Variants in NCOR2 observed in about 807,000 individuals in gnomAD.
NCOR2 encodes the protein nuclear receptor corepressor 2, also known as CTG repeat protein 26.
A neutral mutation model predicts 262.9 loss-of-function variants in NCOR2; 81 were observed. The observed-to-expected ratio is 0.31, with a 90% confidence interval of 0.26 to 0.37. The LOEUF (loss-of-function observed/expected upper bound fraction) is 0.37, where lower values mean the gene tolerates loss of function less well. Ranked by LOEUF, NCOR2 falls within the 10% of genes least tolerant of loss-of-function variation. The pLI is 1.00. For missense variants in NCOR2, 3,385 were observed against 3,621.4 expected (o/e 0.93, Z 1.68); for synonymous variants, 1,659 against 1,559.3 (o/e 1.06, Z -1.51).
intron 1 of NCOR2, among the ~76,000 whole-genome samples, chr12:124,552,436 T>C (rs1469777978): frequency 6.6e-6 from 1 of 152,192 alleles, no homozygotes; most frequent in Non-Finnish European, 1.5e-5. Context: ...CGTTTGCAGG[T>C]TTCTCTCTTC....
chr12:124,400,540 T>C, exon 15 of NCOR2: 2 of 1,614,206 alleles, frequency 1.2e-6, no homozygotes, highest in Non-Finnish European at 1.7e-6. Context: ...GCCTCCTCGC[T>C]GTTGGCCTCA....
intron 17 of NCOR2, among the ~76,000 whole-genome samples, chr12:124,380,991 T>G (rs113201225): frequency 9.0e-4 from 137 of 152,312 alleles, no homozygotes; most frequent in Non-Finnish European, 1.5e-3. Context: ...AAGCACCTAC[T>G]ATGCGCCAAG....
chr12:124,461,712 C>T (rs573436713), intron 5 of NCOR2, among the ~76,000 whole-genome samples: 1 of 152,390 alleles, frequency 6.6e-6, no homozygotes, highest in Admixed American at 6.5e-5. Flanking sequence ...TCCACCTGTA[C>T]ACACATGCAC....
chr12:124,427,104 C>T (rs1210415940), intron 10 of NCOR2, among the ~76,000 whole-genome samples: 3 of 152,158 alleles, frequency 2.0e-5, no homozygotes, highest in Admixed American at 6.5e-5. Context: ...AATGCAAGCG[C>T]CATAAAGCAC....
chr12:124,378,206 C>T lies in NCOR2; in HGVS notation c.2167+31G>A, dbSNP rs2040168007. 6.2e-7 allele frequency: 1 copy of T among 1,604,974 alleles called. No individual in the cohort carries two copies. The highest frequency in any genetic ancestry group is 8.5e-7 in the Non-Finnish European group (1 of 1,174,084). On this transcript the variant is annotated intron_variant, in intron 18 of 46. Coordinates refer to ENST00000405201, the Ensembl canonical transcript of NCOR2. This position sits in a 1 kb window ranked among gnomAD's most constrained non-coding sequence, Gnocchi z 4.2. ...CCCTCAGAGCTCGGACCCACAGCTG[C>T]CAGCCACCTCCAAGCCGCGCCAGCC...
chr12:124,423,121 G>A (rs955955364), intron 11 of NCOR2, among the ~76,000 whole-genome samples: 1 of 152,206 alleles, frequency 6.6e-6, no homozygotes, highest in East Asian at 1.9e-4. Context: ...GTGGCGGGTC[G>A]CTGGCACTGT....
intron 20 of NCOR2, among the ~76,000 whole-genome samples, 192 bp downstream of exon 22, chr12:124,371,830 C>T (rs1290671101): frequency 1.3e-5 from 2 of 152,144 alleles, no homozygotes; most frequent in East Asian, 1.9e-4. Flanking sequence ...GAGGTCCTCC[C>T]GGCCACACCT....
chr12:124,493,241 G>A (rs984303202), intron 1 of NCOR2, among the ~76,000 whole-genome samples: 1 of 152,212 alleles, frequency 6.6e-6, no homozygotes. Flanking sequence ...CCAAGGCTAG[G>A]AGCCGGGTGA....
rs1319749675 is a variant in NCOR2, at chr12:124,333,981, CGGGTGT to C, written c.6605+437_6605+442del. On this transcript the variant is annotated intron_variant, in intron 41 of 46. Coordinates refer to ENST00000405201, the Ensembl canonical transcript of NCOR2. Reference sequence around the variant, plus strand: ...GTGTGTGTGCGGGTGCGCATGTGTGCGGGTGTGCATGTGTGTGTGTGCGCATGTGTG... The same window carrying C: ...GTGTGTGTGCGGGTGCGCATGTGTGCGCATGTGTGTGTGTGCGCATGTGTG... Among the ~76,000 whole-genome samples, 9 of 148,402 alleles carry C rather than the reference CGGGTGT, an allele frequency of 6.1e-5. No individual in the cohort carries two copies. The East Asian group carries it at 1.8e-3, about 29-fold the overall frequency.
chr12:124,485,691 C>T (rs990689332), intron 2 of NCOR2, among the ~76,000 whole-genome samples: 3 of 152,178 alleles, frequency 2.0e-5, no homozygotes, highest in Admixed American at 6.5e-5. Context: ...GGGACACCTC[C>T]GTGGTACCAT....
chr12:124,386,614 G>C (rs766736106), intron 16 of NCOR2, among the ~76,000 whole-genome samples: 9 of 152,196 alleles, frequency 5.9e-5, no homozygotes, highest in Non-Finnish European at 1.2e-4. Flanking sequence ...CTCCTGCTGT[G>C]GGAAGAGACC....
At chr12:124,362,334 G>A (rs761867000) in intron 21 of NCOR2, 37 bp from the exon 24 acceptor site, 30 of 1,326,376 alleles carry the variant, frequency 2.3e-5, no homozygotes, top group Non-Finnish European at 2.7e-5. Context: ...TTCACAGAGG[G>A]TGTCTGAAAG....
intron 1 of NCOR2, among the ~76,000 whole-genome samples, chr12:124,541,382 T>A: frequency 1.2e-4 from 1 of 8,288 alleles, no homozygotes. Context: ...GGATGGGAAG[T>A]GGAGAGCTGG....
chr12:124,387,943 A>G (rs553694596), intron 16 of NCOR2, among the ~76,000 whole-genome samples: 1 of 152,198 alleles, frequency 6.6e-6, no homozygotes, highest in African/African-American at 2.4e-5. Context: ...GGGTGGCCCA[A>G]CAACACTGGG....
At chr12:124,343,257 C>T (rs1398321313) in intron 32 of NCOR2, 31 bp from the exon 35 acceptor site, 7 of 1,588,584 alleles carry the variant, frequency 4.4e-6, no homozygotes, top group East Asian at 4.5e-5. Flanking sequence ...TGCATCGGGC[C>T]TCTGGGGCTG....
intron 22 of NCOR2, among the ~76,000 whole-genome samples, chr12:124,361,314 A>G (rs2038578002): frequency 6.6e-6 from 1 of 152,070 alleles, no homozygotes; most frequent in African/African-American, 2.4e-5. Context: ...CAGGGTGGGG[A>G]ACCTCTGGGG....
At chr12:124,391,148 A>T (rs1487543258) in intron 16 of NCOR2, among the ~76,000 whole-genome samples, 1 of 152,212 alleles carries the variant, frequency 6.6e-6, no homozygotes, top group South Asian at 2.1e-4. Flanking sequence ...CTTTTCTCCA[A>T]GGGTCTGCAA....
chr12:124,333,897 C>CACGCATGTGTGT (rs1566353653), intron 41 of NCOR2, among the ~76,000 whole-genome samples: 1 of 123,618 alleles, frequency 8.1e-6, no homozygotes, highest in African/African-American at 2.7e-5. Flanking sequence ...TGTGTGTGTG[C>CACGCATGTGTGT]GCGCGCATGT....
intron 43 of NCOR2, chr12:124,332,107 A>T: frequency 1.7e-6 from 1 of 592,214 alleles, no homozygotes; most frequent in South Asian, 2.0e-5. Flanking sequence ...CTTCTGTGCC[A>T]GTAAGCTCCT....
Sources: allele counts gnomAD v4.1 joint callset (sites outside exome capture counted in the v4.1 genomes callset), GRCh38; gene constraint gnomAD v4.1.1; non-coding constraint Gnocchi (gnomAD v3.1); transcripts MANE v1.5; gene names NCBI Gene and HGNC (gene_info 2026-07-23, HGNC 2026-07-21).